F5: variants seen among roughly 807,000 people sequenced by gnomAD.
F5 encodes coagulation factor V.
F5 carries 138 observed loss-of-function variants against 216.4 expected under a neutral mutation model. That is an observed-to-expected ratio of 0.64 (90% CI 0.56 to 0.73). The LOEUF is 0.73. Among genes scored for constraint, F5 ranks in the 30% least tolerant of loss-of-function variants. The probability of loss-of-function intolerance (pLI) is 0.00; values close to 1 mark genes in which losing one functional copy is unlikely to be tolerated. For missense variants in F5, 2,403 were observed against 2,674.0 expected (o/e 0.90, Z 2.24); for synonymous variants, 916 against 930.7 (o/e 0.98, Z 0.29).
At chr1:169,553,538 C>T (rs901936216) in intron 7 of F5, among the ~76,000 whole-genome samples, 2 of 152,160 alleles carry the variant, frequency 1.3e-5, no homozygotes, top group African/African-American at 4.8e-5. Context: ...GAAACCCCAT[C>T]TCTACTAAAA....
chr1:169,529,867 G>T, intron 15 of F5, 49 bp from the exon 16 acceptor site: 2 of 1,481,676 alleles, frequency 1.3e-6, no homozygotes, highest in Middle Eastern at 1.7e-4. Flanking sequence ...GAATTTCCTT[G>T]CTCTTCTGAT....
intron 14 of F5, among the ~76,000 whole-genome samples, chr1:169,532,610 C>T (rs577142051): frequency 8.2e-4 from 122 of 147,924 alleles, no homozygotes; most frequent in South Asian, 2.7e-3. Context: ...AAATCAAGAA[C>T]GAAATCCCAT....
rs764871911 is a variant in F5, at chr1:169,525,990, G to A, written c.5627C>T (p.Ala1876Val). The change falls in exon 18 of 25, where the codon GCA becomes GTA. Residue 1876 changes from alanine to valine, a missense_variant. Ala to Val is a moderately conservative substitution (Grantham distance 64, BLOSUM62 0). Around this residue, in one of 4 missense-constraint regions of F5, gnomAD observed 659 missense variants for 787.9 expected, o/e 0.84. Coordinates refer to ENST00000367797, the MANE Select transcript of F5 (RefSeq NM_000130.5). ...TAGGAGCCACCAGCCAGGTTTTGAT[G>A]CCTTCATTTCAAGAGTTTTAAATGA... ...PGSFKTLEMK[A>V]SKPGWWLLNT... The A allele has an allele frequency of 1.2e-5, 20 of 1,612,566 alleles. No individual in the cohort carries two copies. Among genetic ancestry groups the A allele is most frequent in the Non-Finnish European group, 6.8e-6 (8 of 1,179,030 alleles).
intron 12 of F5, 114 bp downstream of exon 12, chr1:169,544,182 G>T: frequency 6.1e-6 from 5 of 813,358 alleles, no homozygotes. Context: ...AAAGCCTGCA[G>T]GGGGTCAGGG....
chr1:169,545,011 G>T (rs1056584408), intron 11 of F5, among the ~76,000 whole-genome samples: 1 of 152,022 alleles, frequency 6.6e-6, no homozygotes, highest in African/African-American at 2.4e-5. Flanking sequence ...TTTCATTATT[G>T]TTAAAAGGGA....
rs905672088 is a variant in F5, at chr1:169,546,530, G to T, written c.1674C>A (p.Tyr558Ter). 2.5e-6 allele frequency: 4 copies of T among 1,613,972 alleles called. No homozygotes were observed. The highest frequency in any genetic ancestry group is 1.3e-5 in the African/African-American group (1 of 74,900). Residue 558 changes from tyrosine (Y) to a stop codon, truncating the protein, a stop_gained, in exon 11 of 25, where the codon TAC (tyrosine) becomes TAA (stop). Transcript: ENST00000367797. LOFTEE classifies it high-confidence loss of function. ...AAAACTTGTTGATGTTGTCCTCAAG[G>T]TACCAGCTTTTGTTCTCATCAAACA... The part of the protein sequence containing the change: ...FAVFDENKSW[Y>*]LEDNINKFCE...
In F5 at chr1:169,530,798, T is replaced by A. The variant is rs1329536113; in HGVS notation, c.5196A>T (p.Ser1732=). The change falls in exon 15 of 25, where the codon TCA becomes TCT. Residue 1732 remains serine (S), a synonymous_variant. Coordinates refer to ENST00000367797, the MANE Select transcript of F5 (RefSeq NM_000130.5). ...TGAAAGTACCTACTGGGTTCACAGCTGAGTAGTAGGCCCAAGCCCGACAGG... is the reference window on the plus strand; with the variant it reads ...TGAAAGTACCTACTGGGTTCACAGCAGAGTAGTAGGCCCAAGCCCGACAGG... The part of the protein sequence containing the change: ...GSACRAWAYY[S]AVNPEKDIHS... 1.9e-6 allele frequency: 3 copies of A among 1,613,844 alleles called. No individual in the cohort carries two copies. The highest frequency in any genetic ancestry group is 2.5e-6 in the Non-Finnish European group (3 of 1,179,762).
At chr1:169,583,221 T>C (rs1253467424) in intron 1 of F5, among the ~76,000 whole-genome samples, 2 of 152,232 alleles carry the variant, frequency 1.3e-5, no homozygotes, top group African/African-American at 4.8e-5. Flanking sequence ...GTTATTGTTC[T>C]GTACCTCTAA....
chr1:169,565,298 C>T (rs1660573009), intron 3 of F5, among the ~76,000 whole-genome samples: 1 of 152,036 alleles, frequency 6.6e-6, no homozygotes, highest in Non-Finnish European at 1.5e-5. Flanking sequence ...TTTTCTTCTA[C>T]TAGATCATAA....
intron 13 of F5, among the ~76,000 whole-genome samples, chr1:169,537,462 G>T (rs1433588491): frequency 1.3e-5 from 2 of 152,078 alleles, no homozygotes; most frequent in Non-Finnish European, 2.9e-5. Context: ...CGAAAGTACA[G>T]GCAACAAAAG....
intron 7 of F5, among the ~76,000 whole-genome samples, chr1:169,553,470 A>T (rs1660223862): frequency 6.6e-6 from 1 of 152,216 alleles, no homozygotes; most frequent in Non-Finnish European, 1.5e-5. Flanking sequence ...GCACTTTGGG[A>T]GGCCGAGGCG....
intron 2 of F5, among the ~76,000 whole-genome samples, chr1:169,574,632 C>T (rs1660802101): frequency 6.6e-6 from 1 of 152,196 alleles, no homozygotes; most frequent in Admixed American, 6.5e-5. Context: ...CATTCAAGCA[C>T]TGTAAGTCCC....
chr1:169,561,608 G>T (rs550540694), intron 3 of F5, among the ~76,000 whole-genome samples: 1 of 152,062 alleles, frequency 6.6e-6, no homozygotes, highest in Non-Finnish European at 1.5e-5. Context: ...AGAGCCAAGT[G>T]GAATGAACAG....
chr1:169,540,774 G>C lies in F5; in HGVS notation c.4316C>G (p.Ser1439Cys). 1 of 1,614,088 alleles carries C rather than the reference G, an allele frequency of 6.2e-7. No individual in the cohort carries two copies. The highest frequency in any genetic ancestry group is 8.5e-7 in the Non-Finnish European group (1 of 1,179,994). ...AAGGGTGGTGTCACTGATGTCTGGA[G>C]AGAGAGTCACCTGGCTGAGGTCTGG... ...LSPDLSQVTL[S>C]PDISDTTLLP... The change falls in exon 13 of 25, where the codon TCT becomes TGT. Residue 1439 changes from serine (S) to cysteine (C), a missense_variant. Ser to Cys is a moderately radical substitution (Grantham distance 112). This residue lies in a region of F5 where 293 missense variants were observed against 270.8 expected (regional missense o/e 1.08). Coordinates refer to ENST00000367797, the MANE Select transcript of F5 (RefSeq NM_000130.5).
rs539533643 is a variant in F5, at chr1:169,544,175, G to A, written c.1975+121C>T. On this transcript the variant is annotated intron_variant, in intron 12 of 24. Transcript: ENST00000367797. ...AATCATGAGAAACATTGAAAGAAAA[G>A]CCTGCAGGGGGTCAGGGAGATACAT... The A allele has an allele frequency of 1.9e-5, 15 of 774,222 alleles. No individual in the cohort carries two copies. In the African/African-American group the frequency reaches 2.6e-4, roughly 13 times the overall value. The allele number at this position is 774,222 out of a possible 1,614,324, so 48.0% of individuals were successfully genotyped here.
chr1:169,531,195 T>C (rs1026214490), intron 14 of F5, among the ~76,000 whole-genome samples, 173 bp from the exon 15 acceptor site: 9 of 152,226 alleles, frequency 5.9e-5, no homozygotes, highest in Non-Finnish European at 1.0e-4. Flanking sequence ...CTGTGAGATA[T>C]GGCCCAAGTA....
Position 169,529,666 on chromosome 1 carries a change from C to G in F5, c.5361G>C (p.Lys1787Asn). Reference sequence around the variant, plus strand: ...ATGTGAGTCTCCAAGAACTTCGGGACTTCTTTTCATAGTACCAGCTCTTCT... The same window carrying G: ...ATGTGAGTCTCCAAGAACTTCGGGAGTTCTTTTCATAGTACCAGCTCTTCT... ...DEKKSWYYEK[K>N]SRSSWRLTSS... Residue 1787 changes from lysine (K) to asparagine (N), a missense_variant, in exon 16 of 25, where the codon AAG becomes AAC. Physicochemically the swap from Lys to Asn is moderately conservative, Grantham distance 94 (BLOSUM62 0). Around this residue, in one of 4 missense-constraint regions of F5, gnomAD observed 659 missense variants for 787.9 expected, o/e 0.84. Transcript: ENST00000367797. The G allele has an allele frequency of 6.2e-7, 1 of 1,613,850 alleles. No individual in the cohort carries two copies.
At chr1:169,527,706 G>A (rs1226620434) in intron 17 of F5, among the ~76,000 whole-genome samples, 1 of 152,198 alleles carries the variant, frequency 6.6e-6, no homozygotes, top group Admixed American at 6.5e-5. Context: ...CATTTAGCCT[G>A]TGTGGTGCTG....
At chr1:169,527,875 A>G (rs1659496509) in intron 17 of F5, 40 bp downstream of exon 17, 2 of 1,607,944 alleles carry the variant, frequency 1.2e-6, no homozygotes, top group Non-Finnish European at 1.7e-6. Context: ...TTTTCCCTGT[A>G]TTTCTTAGCA....
Sources: allele counts gnomAD v4.1 joint callset (sites outside exome capture counted in the v4.1 genomes callset), GRCh38; gene constraint gnomAD v4.1.1; regional missense constraint gnomAD v4.1.1; transcripts MANE v1.5; gene names NCBI Gene and HGNC (gene_info 2026-07-23, HGNC 2026-07-21).